ACTA2: variants seen among roughly 807,000 people sequenced by gnomAD.
ACTA2 encodes actin alpha 2, smooth muscle.
ACTA2 carries 12 observed loss-of-function variants against 39.5 expected under a neutral mutation model. The observed-to-expected ratio is 0.30, with a 90% CI of 0.19 to 0.49. The LOEUF is 0.49. ACTA2 is among the 20% of genes least tolerant of loss of function. The probability of loss-of-function intolerance (pLI) is 0.99; values close to 1 mark genes in which losing one functional copy is unlikely to be tolerated. For missense variants in ACTA2, 236 were observed against 498.8 expected (o/e 0.47, Z 5.02); for synonymous variants, 158 against 180.6 (o/e 0.88, Z 1.00).
intron 1 of ACTA2, among the ~76,000 whole-genome samples, chr10:88,969,069 T>C (rs1213042897): frequency 6.6e-6 from 1 of 151,928 alleles, no homozygotes; most frequent in Non-Finnish European, 1.5e-5. Context: ...GTTATCTGGG[T>C]TGTATTACAA....
intron 1 of ACTA2, among the ~76,000 whole-genome samples, chr10:88,949,712 A>G (rs1220609655): frequency 6.6e-6 from 1 of 152,222 alleles, no homozygotes; most frequent in Non-Finnish European, 1.5e-5. Context: ...AGGATAAGCA[A>G]AAGGTAGTTC....
intron 1 of ACTA2, among the ~76,000 whole-genome samples, chr10:88,958,020 C>T (rs369402968): frequency 9.9e-5 from 15 of 152,272 alleles, no homozygotes; most frequent in African/African-American, 3.6e-4. Flanking sequence ...CCTGCCTCAG[C>T]CTCCCAAAGT....
chr10:88,947,526 T>C (rs1845974185), intron 2 of ACTA2, 140 bp from the exon 3 acceptor site: 3 of 1,305,524 alleles, frequency 2.3e-6, no homozygotes, highest in Admixed American at 3.7e-5. Flanking sequence ...TGAGTCTCAT[T>C]GCCACTATGC....
At chr10:88,976,315 G>A (rs1846562806) in intron 1 of ACTA2, among the ~76,000 whole-genome samples, 1 of 152,180 alleles carries the variant, frequency 6.6e-6, no homozygotes, top group African/African-American at 2.4e-5. Flanking sequence ...CCGTGGGTTG[G>A]ACAAGGTTGG....
chr10:88,950,235 C>T (rs867873395), intron 1 of ACTA2, among the ~76,000 whole-genome samples: 2 of 152,236 alleles, frequency 1.3e-5, no homozygotes, highest in African/African-American at 2.4e-5. Flanking sequence ...CGAAATGTTC[C>T]GTTAAGAGAA....
At chr10:88,937,972 C>T (rs1845774025) in intron 8 of ACTA2, 89 bp downstream of exon 8, 1 of 1,515,992 alleles carries the variant, frequency 6.6e-7, no homozygotes, top group Non-Finnish European at 9.1e-7. Context: ...TGCATGTCAC[C>T]AAAATACAGT....
At chr10:88,947,993 A>C (rs1163946886) in intron 2 of ACTA2, among the ~76,000 whole-genome samples, 1 of 152,180 alleles carries the variant, frequency 6.6e-6, no homozygotes, top group African/African-American at 2.4e-5. Flanking sequence ...ATTAAGGTGA[A>C]GTTCTTAAAA....
At chr10:88,965,145 T>A (rs1406319766) in intron 1 of ACTA2, among the ~76,000 whole-genome samples, 1 of 152,196 alleles carries the variant, frequency 6.6e-6, no homozygotes, top group Non-Finnish European at 1.5e-5. Context: ...AATGCTCCAA[T>A]CACTCCAGTG....
upstream of ACTA2, among the ~76,000 whole-genome samples, chr10:88,956,070 G>C (rs1846133502): frequency 6.6e-6 from 1 of 152,204 alleles, no homozygotes. Context: ...TAATGAGGAA[G>C]TTAGTTCTAG....
chr10:88,975,163 A>C (rs530608958), intron 1 of ACTA2: 1 of 152,182 alleles, frequency 6.6e-6, no homozygotes, highest in Non-Finnish European at 1.5e-5. Flanking sequence ...TAAAAAAAAA[A>C]AAAACTCTCA....
At chr10:88,946,953 C>T (rs144070024) in intron 3 of ACTA2, 27 of 209,126 alleles carry the variant, frequency 1.3e-4, no homozygotes, top group African/African-American at 6.2e-4. Context: ...CATGTGTTCT[C>T]GTTGTTCAAT....
intron 1 of ACTA2, among the ~76,000 whole-genome samples, chr10:88,950,068 C>G (rs978322093): frequency 1.3e-5 from 2 of 152,088 alleles, no homozygotes; most frequent in African/African-American, 4.8e-5. Context: ...CATTTTCATC[C>G]AATGCTCTCA....
intron 1 of ACTA2, among the ~76,000 whole-genome samples, chr10:88,969,920 G>T (rs533947276): frequency 4.6e-5 from 7 of 152,234 alleles, no homozygotes; most frequent in East Asian, 3.9e-4. Context: ...CTCTGCCAAG[G>T]CCTTTATGTT....
At chr10:88,937,781 G>C (rs1435130120) in intron 8 of ACTA2, among the ~76,000 whole-genome samples, 3 of 152,182 alleles carry the variant, frequency 2.0e-5, no homozygotes, top group Non-Finnish European at 4.4e-5. Context: ...ATTTTAAAGA[G>C]AGATGAGCAT....
intron 3 of ACTA2, among the ~76,000 whole-genome samples, chr10:88,946,600 C>T (rs1468636859): frequency 6.6e-6 from 1 of 151,652 alleles, no homozygotes; most frequent in African/African-American, 2.4e-5. Flanking sequence ...ACTATGTTAC[C>T]CAGCCTGGTC....
At position 88,947,341 on chromosome 10, in the gene ACTA2, C is replaced by T. The variant is rs1306745024; in HGVS notation, c.175G>A (p.Glu59Lys). The stretch of plus-strand genomic sequence containing the variant: ...AGGATTCCTCTTTTGCTCTGTGCTT[C>T]GTCACCCACGTAGCTGTCTTTTTGT... ...MGQKDSYVGD[E>K]AQSKRGILTL... is the part of the protein sequence containing the mutation. Residue 59 changes from glutamate (E) to lysine (K), a missense_variant, in exon 3 of 9, where the codon GAA (glutamate) becomes AAA (lysine). Glu to Lys is a moderately conservative substitution (Grantham distance 56). Transcript: ENST00000224784. 3.1e-6 allele frequency: 5 copies of T among 1,613,854 alleles called. No individual in the cohort carries two copies. Among genetic ancestry groups the T allele is most frequent in the Non-Finnish European group, 4.2e-6 (5 of 1,179,928 alleles).
chr10:88,983,605 T>C (rs1256573144), intron 1 of ACTA2, among the ~76,000 whole-genome samples: 1 of 62,880 alleles, frequency 1.6e-5, no homozygotes, highest in African/African-American at 6.7e-5. Flanking sequence ...GTTAACAGGT[T>C]ATGCAAAAAA....
chr10:88,939,475 C>T (rs748281102), intron 7 of ACTA2, 32 bp downstream of exon 7: 24 of 1,611,124 alleles, frequency 1.5e-5, no homozygotes, highest in Non-Finnish European at 1.6e-5. Context: ...ACAATGACTC[C>T]CCTTCCCAGG....
upstream of ACTA2, among the ~76,000 whole-genome samples, chr10:88,957,628 ATGC>A (rs1457533132): frequency 6.6e-6 from 1 of 152,182 alleles, no homozygotes; most frequent in Non-Finnish European, 1.5e-5. Context: ...ACCTTTGCTC[ATGC>A]TGCTCCTCTG....
Sources: allele counts gnomAD v4.1 joint callset (sites outside exome capture counted in the v4.1 genomes callset), GRCh38; gene constraint gnomAD v4.1.1; transcripts MANE v1.5; gene names NCBI Gene and HGNC (gene_info 2026-07-23, HGNC 2026-07-21).